Variants in TTC27 observed in about 807,000 individuals in gnomAD.
TTC27 encodes the protein tetratricopeptide repeat protein 27.
Under a neutral mutation model 115.9 loss-of-function variants are expected in TTC27, and 79 were observed. That is an observed-to-expected ratio of 0.68 (90% confidence interval 0.57 to 0.82). The LOEUF is 0.82. Among genes scored for constraint, TTC27 ranks in the 40% least tolerant of loss-of-function variants. TTC27 has a pLI of 0.00. For synonymous variants in TTC27, 401 were observed against 356.0 expected, an observed-to-expected ratio of 1.13 and a Z score of -1.42; for missense variants, 1,054 against 993.1, an observed-to-expected ratio of 1.06 and a Z score of -0.82.
chr2:32,787,208 G>A, intron 16 of TTC27, 59 bp downstream of exon 16: 4 of 1,517,112 alleles, frequency 2.6e-6, no homozygotes, highest in East Asian at 2.3e-5. Context: ...TTGATCATAT[G>A]GTATAAATTA....
Position 32,664,472 on chromosome 2 carries a change from GACTT to G in TTC27, c.805+7_805+10del, listed in dbSNP as rs757598730. 6.3e-6 allele frequency: 10 copies of G among 1,593,834 alleles called. No individual in the cohort carries two copies. The highest frequency in any genetic ancestry group is 6.8e-6 in the Non-Finnish European group (8 of 1,175,308). On this transcript the variant is annotated splice_donor_region_variant and intron_variant, in intron 6 of 19. Coordinates refer to ENST00000317907, the MANE Select transcript of TTC27 (RefSeq NM_017735.5). ...AATTACAAATTGATTTGACAGGTAA[GACTT>G]ATTTTTTGTGGATAATTGATTTTAT... is the stretch of plus-strand genomic sequence containing the variant.
chr2:32,701,130 C>G (rs1428730641), intron 9 of TTC27, among the ~76,000 whole-genome samples: 1 of 152,120 alleles, frequency 6.6e-6, no homozygotes. Context: ...GGGATCCTGT[C>G]TGTTTTGTTT....
chr2:32,659,664 C>T (rs1027209230), intron 5 of TTC27, among the ~76,000 whole-genome samples: 2 of 151,948 alleles, frequency 1.3e-5, no homozygotes, highest in Non-Finnish European at 2.9e-5. Context: ...TTAGGTATAT[C>T]TCCTAATGCT....
chr2:32,663,676 GTATGTATTTATT>G (rs1205739616), intron 5 of TTC27, among the ~76,000 whole-genome samples: 1 of 93,462 alleles, frequency 1.1e-5, no homozygotes, highest in Non-Finnish European at 2.4e-5. Flanking sequence ...ATGTATGTAT[GTATGTATTTATT>G]TATTTATTTA....
chr2:32,684,287 G>A (rs1376866331), intron 9 of TTC27, among the ~76,000 whole-genome samples: 1 of 152,098 alleles, frequency 6.6e-6, no homozygotes, highest in East Asian at 1.9e-4. Flanking sequence ...GTATGCCATG[G>A]TGTATATGTG....
chr2:32,722,005 T>C (rs1180036229), intron 10 of TTC27, among the ~76,000 whole-genome samples: 1 of 152,188 alleles, frequency 6.6e-6, no homozygotes, highest in Admixed American at 6.5e-5. Flanking sequence ...CCTGGAATAG[T>C]GCTTGGTACA....
rs575196740 is a variant in TTC27 at position 32,680,834 on chromosome 2, CT to C, written c.1119+1917del. ...GTTATCCTGAAGACACTAGCACACTCTTTTTACATTCAAACAGTTAATTTTT... is the reference window on the plus strand; with the variant it reads ...GTTATCCTGAAGACACTAGCACACTCTTTTACATTCAAACAGTTAATTTTT... On this transcript the variant is annotated intron_variant, in intron 9 of 19. Coordinates refer to ENST00000317907, the MANE Select transcript of TTC27 (RefSeq NM_017735.5). 1.1e-4 allele frequency among the ~76,000 whole-genome samples: 17 copies of C among 152,310 alleles called. No homozygotes were observed. The South Asian group carries it at 3.5e-3, about 32-fold the overall frequency.
chr2:32,707,242 A>G (rs1448419210), intron 10 of TTC27, among the ~76,000 whole-genome samples: 2 of 152,224 alleles, frequency 1.3e-5, no homozygotes, highest in African/African-American at 4.8e-5. Context: ...GGGACTTGGG[A>G]AGCCCAAGAG....
intron 8 of TTC27, among the ~76,000 whole-genome samples, chr2:32,673,197 T>G (rs572067125): frequency 6.6e-6 from 1 of 151,436 alleles, no homozygotes; most frequent in African/African-American, 2.4e-5. Context: ...CTGATTTTTT[T>G]TTTTTAATAG....
chr2:32,803,749 C>G (rs1246678034), intron 16 of TTC27, among the ~76,000 whole-genome samples: 1 of 152,030 alleles, frequency 6.6e-6, no homozygotes, highest in Non-Finnish European at 1.5e-5. Context: ...GTGGCTCATG[C>G]CTGTAATCCC....
intron 10 of TTC27, among the ~76,000 whole-genome samples, chr2:32,732,822 G>A (rs752113306): frequency 8.6e-5 from 13 of 152,026 alleles, no homozygotes; most frequent in South Asian, 8.3e-4. Flanking sequence ...TTTCACTACC[G>A]TCTAATCCTC....
chr2:32,736,492 T>C (rs930010623), intron 11 of TTC27, among the ~76,000 whole-genome samples: 1 of 152,214 alleles, frequency 6.6e-6, no homozygotes, highest in Non-Finnish European at 1.5e-5. Flanking sequence ...TTTAATTCCT[T>C]ATACCCTATA....
At chr2:32,727,071 T>A (rs1017861380) in intron 10 of TTC27, among the ~76,000 whole-genome samples, 2 of 152,118 alleles carry the variant, frequency 1.3e-5, no homozygotes, top group Non-Finnish European at 2.9e-5. Context: ...GAATTCAAGA[T>A]GAGATTTGGG....
chr2:32,716,948 C>T (rs1667772273), intron 10 of TTC27, among the ~76,000 whole-genome samples: 2 of 151,744 alleles, frequency 1.3e-5, no homozygotes, highest in South Asian at 4.2e-4. Flanking sequence ...CCAGCCTTAA[C>T]CTCCCAAAGT....
At chr2:32,703,279 C>T (rs1667253631) in intron 10 of TTC27, among the ~76,000 whole-genome samples, 1 of 152,134 alleles carries the variant, frequency 6.6e-6, no homozygotes, top group African/African-American at 2.4e-5. Flanking sequence ...CCAGCCTGGC[C>T]AACATGGTGA....
intron 12 of TTC27, among the ~76,000 whole-genome samples, chr2:32,741,498 A>C (rs182461978): frequency 0.017 from 2,645 of 152,062 alleles, 33 homozygotes; most frequent in African/African-American, 0.031. Context: ...AAAAAAAAAA[A>C]AAAATTAACC....
At chr2:32,741,684 A>ACAACAAC (rs34990745) in intron 12 of TTC27, among the ~76,000 whole-genome samples, 3 of 150,352 alleles carry the variant, frequency 2.0e-5, no homozygotes, top group South Asian at 4.2e-4. Flanking sequence ...AACAACAACA[A>ACAACAAC]AAAAACAGCT....
chr2:32,757,051 A>G (rs139411921), intron 12 of TTC27, among the ~76,000 whole-genome samples: 198 of 152,322 alleles, frequency 1.3e-3, no homozygotes, highest in African/African-American at 4.5e-3. Context: ...GCTGTCTGGA[A>G]TCAGGTAGGT....
intron 7 of TTC27, among the ~76,000 whole-genome samples, chr2:32,670,320 G>A (rs1040385372): frequency 1.3e-5 from 2 of 152,118 alleles, no homozygotes; most frequent in Non-Finnish European, 2.9e-5. Context: ...TTAACAATTA[G>A]ACGCGTGTCA....
Sources: gnomAD v4.1 joint callset for allele counts (sites outside exome capture counted in the v4.1 genomes callset) on GRCh38, gnomAD v4.1.1 for gene constraint, MANE v1.5 for transcripts, NCBI Gene and HGNC (gene_info 2026-07-23, HGNC 2026-07-21) for gene names.